Variants in RGCC observed in about 807,000 individuals in gnomAD.
RGCC encodes regulator of cell cycle.
In RGCC, 15 loss-of-function variants were observed where a neutral mutation model predicts 15.4. The observed-to-expected ratio is 0.97, with a 90% confidence interval of 0.65 to 1.50. The LOEUF (loss-of-function observed/expected upper bound fraction) is 1.50. Among genes scored for constraint, RGCC ranks in the 40% most tolerant of loss-of-function variants. The probability of loss-of-function intolerance (pLI) is 0.00; values close to 1 mark genes in which losing one functional copy is unlikely to be tolerated. For missense variants in RGCC, 176 were observed against 189.7 expected, an observed-to-expected ratio of 0.93 and a Z score of 0.42; for synonymous variants, 81 against 78.0, an observed-to-expected ratio of 1.04 and a Z score of -0.20.
At chr13:41,467,846 G>A (rs972311062) in intron 3 of RGCC, among the ~76,000 whole-genome samples, 12 of 152,212 alleles carry the variant, frequency 7.9e-5, no homozygotes, top group African/African-American at 2.4e-4. Context: ...GGCTTAAAAC[G>A]TGCTCAGATT....
Position 41,457,669 on chromosome 13 carries a change from A to C in RGCC, c.-39A>C. 1 of 1,498,456 alleles carries C rather than the reference A, an allele frequency of 6.7e-7. No individual in the cohort carries two copies. Among genetic ancestry groups the C allele is most frequent in the Non-Finnish European group, 8.9e-7 (1 of 1,125,402 alleles). 92.8% of individuals were successfully genotyped at this position (1,498,456 alleles called of 1,614,324 possible). On this transcript the variant is annotated 5_prime_UTR_variant, in exon 1 of 5. Coordinates refer to ENST00000379359, the MANE Select transcript of RGCC (RefSeq NM_014059.3). This position sits in a 1 kb window ranked among gnomAD's most constrained non-coding sequence, Gnocchi z 4.9. ...ATAGCCCCGGCTGCCACCTCGCAGGACCCAAGGCCACGCGCGCCGGGCCCA... is the reference window on the plus strand; with the variant it reads ...ATAGCCCCGGCTGCCACCTCGCAGGCCCCAAGGCCACGCGCGCCGGGCCCA...
chr13:41,466,243 ACACC>A (rs1432080907), intron 2 of RGCC, among the ~76,000 whole-genome samples: 2 of 149,764 alleles, frequency 1.3e-5, no homozygotes, highest in African/African-American at 5.0e-5. Context: ...ATTCTCACAC[ACACC>A]CACACTCACA....
intron 2 of RGCC, 63 bp from the exon 3 acceptor site, chr13:41,466,759 TA>T: frequency 8.9e-7 from 1 of 1,128,698 alleles, no homozygotes; most frequent in African/African-American, 1.5e-5. Flanking sequence ...CAATAGACTA[TA>T]AAGTGCTAAG....
intron 3 of RGCC, 76 bp from the exon 4 acceptor site, chr13:41,468,700 A>G: frequency 7.9e-6 from 9 of 1,132,330 alleles, no homozygotes; most frequent in Admixed American, 1.9e-5. Flanking sequence ...GGAAAACTCA[A>G]TATGGAGTCA....
intron 3 of RGCC, among the ~76,000 whole-genome samples, chr13:41,468,477 G>A (rs1233801814): frequency 4.6e-5 from 7 of 152,152 alleles, no homozygotes; most frequent in Non-Finnish European, 8.8e-5. Flanking sequence ...GGAGAAGTGG[G>A]GTGGGATGTT....
chr13:41,466,943 G>A lies in RGCC; in HGVS notation c.343+13G>A, dbSNP rs1189814479. 1 of 1,590,952 alleles carries A rather than the reference G, an allele frequency of 6.3e-7. No homozygotes were observed. The highest frequency in any genetic ancestry group is 1.7e-5 in the Admixed American group (1 of 59,938). ...ACTCCTCAGAAAGGTAAGGTCATTA[G>A]TTGGAATTTGAGTTTTTTGCTTTTT... is the stretch of plus-strand genomic sequence containing the variant. On this transcript the variant is annotated intron_variant, in intron 3 of 4. Coordinates refer to ENST00000379359, the MANE Select transcript of RGCC (RefSeq NM_014059.3).
chr13:41,465,153 C>T (rs1196704092), intron 2 of RGCC, among the ~76,000 whole-genome samples: 1 of 152,178 alleles, frequency 6.6e-6, no homozygotes, highest in Non-Finnish European at 1.5e-5. Context: ...TTGCCTCCCC[C>T]TAAGCTGGAG....
Position 41,470,707 on chromosome 13 carries a change from G to C in RGCC, c.*222G>C. On this transcript the variant is annotated 3_prime_UTR_variant, in exon 5 of 5. Transcript: ENST00000379359. ...TTGTTTACCTGCTTGCAGCATATTA[G>C]AACAGACGATCCATGCTAATATTGT... 1 of 542,038 alleles carries C rather than the reference G, an allele frequency of 1.8e-6. No homozygotes were observed. The highest frequency in any genetic ancestry group is 2.8e-5 in the South Asian group (1 of 36,214). 33.6% of individuals were successfully genotyped at this position (542,038 alleles called of 1,614,324 possible). A position where few individuals can be genotyped will look rare whatever the true frequency, so the allele number is the denominator to read the frequency against.
chr13:41,459,734 C>T (rs1293627416), intron 2 of RGCC, among the ~76,000 whole-genome samples: 1 of 152,192 alleles, frequency 6.6e-6, no homozygotes, highest in African/African-American at 2.4e-5. Context: ...TTTTCAATTT[C>T]AAAGCAAAGT....
intron 2 of RGCC, among the ~76,000 whole-genome samples, chr13:41,460,953 A>G (rs894460789): frequency 6.6e-6 from 1 of 152,198 alleles, no homozygotes; most frequent in Non-Finnish European, 1.5e-5. Context: ...TCTTTGAAGA[A>G]TACTTCTTTA....
intron 4 of RGCC, 150 bp from the exon 5 acceptor site, chr13:41,470,328 C>A: frequency 1.3e-6 from 1 of 765,098 alleles, no homozygotes; most frequent in South Asian, 1.6e-5. Context: ...CAGTGGGTTG[C>A]CCAGTCATTC....
At chr13:41,470,422 AAGCAT>A in intron 4 of RGCC, 51 bp from the exon 5 acceptor site, 1 of 1,573,620 alleles carries the variant, frequency 6.4e-7, no homozygotes, top group Middle Eastern at 1.7e-4. Flanking sequence ...TGATGTGGTT[AAGCAT>A]AGGAATTGTG....
intron 2 of RGCC, among the ~76,000 whole-genome samples, chr13:41,462,387 T>C (rs138673370): frequency 2.8e-4 from 42 of 152,338 alleles, no homozygotes; most frequent in South Asian, 8.3e-4. Flanking sequence ...CATATGCTTT[T>C]CTTTCTTTTG....
At chr13:41,469,328 G>C (rs978154175) in intron 4 of RGCC, among the ~76,000 whole-genome samples, 2 of 145,876 alleles carry the variant, frequency 1.4e-5, no homozygotes, top group African/African-American at 5.0e-5. Context: ...AGAAGAAGAA[G>C]AAGAAACAGG....
In RGCC at chr13:41,468,858, TA is replaced by T; in HGVS notation, c.406+25del. ...TAGCAAGTAAGTACATGTCTGATAT[TA>T]AAAACAAAAAAACAAAAAACTAACA... On this transcript the variant is annotated intron_variant, in intron 4 of 4. Coordinates refer to ENST00000379359, the MANE Select transcript of RGCC (RefSeq NM_014059.3). The T allele has an allele frequency of 6.4e-7, 1 of 1,568,112 alleles. No individual in the cohort carries two copies. The highest frequency in any genetic ancestry group is 2.2e-5 in the East Asian group (1 of 44,642).
intron 2 of RGCC, among the ~76,000 whole-genome samples, chr13:41,460,569 T>C (rs540499080): frequency 1.3e-5 from 2 of 152,336 alleles, no homozygotes; most frequent in Non-Finnish European, 2.9e-5. Flanking sequence ...CACATGCCTG[T>C]TTGTCAATGA....
At chr13:41,466,752 T>G (rs1375399540) in intron 2 of RGCC, 71 bp from the exon 3 acceptor site, 1 of 1,071,316 alleles carries the variant, frequency 9.3e-7, no homozygotes, top group African/African-American at 1.6e-5. Flanking sequence ...TGGTTATCAA[T>G]AGACTATAAA....
At chr13:41,462,577 C>T (rs1289257663) in intron 2 of RGCC, among the ~76,000 whole-genome samples, 1 of 152,078 alleles carries the variant, frequency 6.6e-6, no homozygotes, top group East Asian at 1.9e-4. Context: ...GCCAGGGTTC[C>T]CCAAATTATC....
chr13:41,458,303 C>A lies in RGCC; in HGVS notation c.68C>A (p.Ala23Glu). Reference protein sequence around the residue: ...AAAAAPALDSAAAEDLSDALC... With the variant: ...AAAAAPALDSEAAEDLSDALC... ...CCCGCAGCCCCGGCCCTGGACTCGG[C>A]GGCCGCGGAGGACCTGTCGGACGCG... Residue 23 changes from alanine (A) to glutamate (E), a missense_variant, in exon 2 of 5, where the codon GCG (alanine) becomes GAG (glutamate). Coordinates refer to ENST00000379359, the MANE Select transcript of RGCC (RefSeq NM_014059.3). The surrounding 1 kb of genome is among the most constrained non-coding windows in gnomAD (Gnocchi z 4.4). 1.3e-6 allele frequency: 2 copies of A among 1,577,782 alleles called. No individual in the cohort carries two copies. Among genetic ancestry groups the A allele is most frequent in the Non-Finnish European group, 8.6e-7 (1 of 1,169,134 alleles).
Sources: gnomAD v4.1 joint callset for allele counts (sites outside exome capture counted in the v4.1 genomes callset) on GRCh38, gnomAD v4.1.1 for gene constraint, Gnocchi (gnomAD v3.1) non-coding constraint, MANE v1.5 for transcripts, NCBI Gene and HGNC (gene_info 2026-07-23, HGNC 2026-07-21) for gene names.